Variants in DPP6 observed in about 807,000 individuals in gnomAD.
DPP6 encodes A-type potassium channel modulatory protein DPP6.
A neutral mutation model predicts 122.6 loss-of-function variants in DPP6; 69 were observed. That is an observed-to-expected ratio of 0.56 (90% confidence interval 0.46 to 0.69). The LOEUF (loss-of-function observed/expected upper bound fraction) is 0.69. Among genes scored for constraint, DPP6 ranks in the 30% least tolerant of loss-of-function variants. DPP6 has a pLI of 0.00. For missense variants in DPP6, 928 were observed against 1,116.9 expected, an observed-to-expected ratio of 0.83 and a Z score of 2.41; for synonymous variants, 418 against 433.1, an observed-to-expected ratio of 0.97 and a Z score of 0.43.
At chr7:154,867,720 G>A (rs373419230) in intron 17 of DPP6, among the ~76,000 whole-genome samples, 2 of 152,174 alleles carry the variant, frequency 1.3e-5, no homozygotes, top group East Asian at 1.9e-4. Context: ...GTGACGCCAC[G>A]GAGAACAAAA....
At position 153,888,735 on chromosome 7, in the gene DPP6, A is replaced by G. The variant is rs180861945; in HGVS notation, c.51+1001A>G. ...TTTTTTTTTTTTTTTTTTTTTGGCG[A>G]CAGACAAGGAGATGGGGATTGCCTT... On this transcript the variant is annotated intron_variant, in intron 1 of 25. Coordinates refer to the DPP6 transcript ENST00000404039. Among the ~76,000 whole-genome samples the G allele has an allele frequency of 2.3e-3, 286 of 126,774 alleles. 1 individual carries two copies. Among genetic ancestry groups the G allele is most frequent in the Middle Eastern group, 0.014 (3 of 216 alleles). 83.2% of individuals were successfully genotyped at this position (126,774 alleles called of 152,430 possible).
At chr7:154,240,712 A>G (rs2150872752) in intron 1 of DPP6, among the ~76,000 whole-genome samples, 1 of 152,296 alleles carries the variant, frequency 6.6e-6, no homozygotes, top group South Asian at 2.1e-4. Flanking sequence ...TGATATTCAT[A>G]TTCAGTTTTC....
intron 9 of DPP6, among the ~76,000 whole-genome samples, chr7:154,770,531 G>A (rs890322345): frequency 4.6e-5 from 7 of 152,122 alleles, no homozygotes; most frequent in South Asian, 4.2e-4. Flanking sequence ...GCAAGAAAGC[G>A]TCCTCTGTGA....
At chr7:154,101,162 C>T (rs1449604002) in intron 1 of DPP6, among the ~76,000 whole-genome samples, 1 of 138,496 alleles carries the variant, frequency 7.2e-6, no homozygotes, top group African/African-American at 2.5e-5. Flanking sequence ...CTGTAATTTC[C>T]AGTTCAGATC....
intron 1 of DPP6, among the ~76,000 whole-genome samples, chr7:153,994,625 T>G (rs2533584): frequency 6.6e-6 from 1 of 152,226 alleles, no homozygotes; most frequent in Non-Finnish European, 1.5e-5. Context: ...TCATTTCAAG[T>G]AAGTCAGTGA....
Position 154,121,508 on chromosome 7 carries a change from C to T in DPP6, c.243+68445C>T, listed in dbSNP as rs1470641602. On this transcript the variant is annotated intron_variant, in intron 1 of 25. Transcript: ENST00000377770. The stretch of plus-strand genomic sequence containing the variant: ...TTCAGCTCAAAGTATTTTTGTGTTT[C>T]CCTTGTGGTTTCCTCCTTAATACTT... Among the ~76,000 whole-genome samples, 7 of 152,140 alleles carry T rather than the reference C, an allele frequency of 4.6e-5. No homozygotes were observed. In the East Asian group the frequency reaches 1.4e-3, roughly 29 times the overall value.
At chr7:153,767,879 C>T in the DPP6 span, among the ~76,000 whole-genome samples, 24 of 152,202 alleles carry the variant, frequency 1.6e-4, 1 homozygote, top group South Asian at 8.3e-4. Context: ...ATACCTGGAA[C>T]GGATGTGTCC....
intron 10 of DPP6, among the ~76,000 whole-genome samples, chr7:154,773,299 G>A (rs1197824115): frequency 6.6e-6 from 1 of 152,174 alleles, no homozygotes; most frequent in East Asian, 1.9e-4. Flanking sequence ...ATGGTGCTCT[G>A]TATTTAGAGC....
intron 1 of DPP6, among the ~76,000 whole-genome samples, chr7:153,904,426 C>G (rs1003492064): frequency 1.3e-5 from 2 of 152,204 alleles, no homozygotes; most frequent in African/African-American, 4.8e-5. Context: ...TCAGCACCCT[C>G]ATCAGTGTGG....
intron 1 of DPP6, among the ~76,000 whole-genome samples, chr7:153,981,659 A>G (rs931960269): frequency 7.2e-5 from 11 of 152,098 alleles, no homozygotes; most frequent in African/African-American, 2.4e-4. Flanking sequence ...ACATTTTGGT[A>G]TGTTTTTGCA....
intron 1 of DPP6, among the ~76,000 whole-genome samples, chr7:154,175,707 T>A (rs1797764323): frequency 6.7e-6 from 1 of 149,976 alleles, no homozygotes; most frequent in African/African-American, 2.5e-5. Context: ...CTATTTATTC[T>A]TACTGGAGAC....
At chr7:154,819,427 A>T (rs6978558) in intron 16 of DPP6, among the ~76,000 whole-genome samples, 97,300 of 150,552 alleles carry the variant, frequency 0.65, 33,011 homozygotes, top group Non-Finnish European at 0.76. Flanking sequence ...ATAAATAAAT[A>T]AATTAATTAA....
chr7:154,811,804 G>C (rs571133959), intron 16 of DPP6, among the ~76,000 whole-genome samples: 1 of 152,286 alleles, frequency 6.6e-6, no homozygotes, highest in South Asian at 2.1e-4. Context: ...GTTATTCTGA[G>C]AGATTCTTGG....
At chr7:154,304,542 A>T (rs1354619756) in intron 1 of DPP6, among the ~76,000 whole-genome samples, 1 of 151,260 alleles carries the variant, frequency 6.6e-6, no homozygotes, top group Non-Finnish European at 1.5e-5. Flanking sequence ...ATGTTTCTGT[A>T]AGGTCATCAC....
At chr7:154,712,392 T>C (rs1238698364) in intron 7 of DPP6, among the ~76,000 whole-genome samples, 2 of 152,228 alleles carry the variant, frequency 1.3e-5, no homozygotes, top group Admixed American at 6.5e-5. Context: ...TGAAAAGATC[T>C]CTTCTTTAGT....
intron 18 of DPP6, among the ~76,000 whole-genome samples, chr7:154,869,523 C>T (rs1259536057): frequency 1.3e-5 from 2 of 152,178 alleles, no homozygotes; most frequent in Non-Finnish European, 2.9e-5. Context: ...AAGAGGAGAC[C>T]GTGCAATCCA....
At chr7:154,133,566 GA>G (rs1795395874) in intron 1 of DPP6, among the ~76,000 whole-genome samples, 2 of 152,146 alleles carry the variant, frequency 1.3e-5, no homozygotes, top group South Asian at 4.1e-4. Flanking sequence ...GAGAATACAG[GA>G]AAGTCATTCT....
intron 1 of DPP6, among the ~76,000 whole-genome samples, chr7:153,970,708 T>G (rs1042014702): frequency 9.9e-5 from 15 of 152,202 alleles, no homozygotes; most frequent in Admixed American, 9.8e-4. Flanking sequence ...TCTGCTGGTA[T>G]GTGGATGTCC....
At chr7:154,442,475 T>C (rs538418474) in intron 1 of DPP6, among the ~76,000 whole-genome samples, 84 of 151,974 alleles carry the variant, frequency 5.5e-4, no homozygotes, top group Non-Finnish European at 9.1e-4. Flanking sequence ...GCAAAGGGAT[T>C]TGCCTGGCAA....
Sources: gnomAD v4.1 joint callset for allele counts (sites outside exome capture counted in the v4.1 genomes callset) on GRCh38, gnomAD v4.1.1 for gene constraint, MANE v1.5 for transcripts, NCBI Gene and HGNC (gene_info 2026-07-23, HGNC 2026-07-21) for gene names.